DAB1: variants seen among roughly 807,000 people sequenced by gnomAD.
DAB1 encodes the protein disabled homolog 1.
DAB1 carries 15 observed loss-of-function variants against 64.6 expected under a neutral mutation model. That is an observed-to-expected ratio of 0.23 (90% CI 0.16 to 0.36). The LOEUF (loss-of-function observed/expected upper bound fraction) is 0.36, where lower values mean the gene tolerates loss of function less well. Among genes scored for constraint, DAB1 ranks in the 10% least tolerant of loss-of-function variants. The pLI is 1.00. For missense variants in DAB1, 596 were observed against 706.7 expected (o/e 0.84, Z 1.78); for synonymous variants, 235 against 251.9 (o/e 0.93, Z 0.64).
At chr1:57,000,043 T>C (rs1645790259) in intron 14 of DAB1, among the ~76,000 whole-genome samples, 1 of 143,228 alleles carries the variant, frequency 7.0e-6, no homozygotes, top group East Asian at 2.0e-4. Flanking sequence ...CTTCTGCCTT[T>C]TTTTTTTTTT....
At chr1:58,523,892 C>G (rs759055648) in intron 2 of DAB1, among the ~76,000 whole-genome samples, 1 of 151,928 alleles carries the variant, frequency 6.6e-6, no homozygotes, top group Non-Finnish European at 1.5e-5. Flanking sequence ...GAGCGAGACT[C>G]CATCTCAAAA....
intron 4 of DAB1, among the ~76,000 whole-genome samples, chr1:58,287,568 TA>T (rs763000219): frequency 9.1e-4 from 134 of 147,518 alleles, no homozygotes; most frequent in Non-Finnish European, 1.6e-3. Flanking sequence ...ATTCATGGGA[TA>T]GGGGGGCTTT....
At chr1:57,596,900 T>C (rs1205681286) in intron 7 of DAB1, among the ~76,000 whole-genome samples, 2 of 152,230 alleles carry the variant, frequency 1.3e-5, no homozygotes, top group African/African-American at 2.4e-5. Flanking sequence ...CTTGTAGGTG[T>C]GCCCATTAAT....
chr1:58,125,333 A>G (rs1652996547), intron 5 of DAB1, among the ~76,000 whole-genome samples: 1 of 152,168 alleles, frequency 6.6e-6, no homozygotes, highest in African/African-American at 2.4e-5. Context: ...TCCAATGTTT[A>G]GTTAATATAA....
At chr1:57,728,511 G>C (rs1853548) in intron 6 of DAB1, among the ~76,000 whole-genome samples, 1 of 151,682 alleles carries the variant, frequency 6.6e-6, no homozygotes, top group African/African-American at 2.4e-5. Context: ...GGAGAATGGC[G>C]TGAACCCGGG....
intron 7 of DAB1, among the ~76,000 whole-genome samples, chr1:57,607,076 A>T (rs1645665553): frequency 6.6e-6 from 1 of 151,918 alleles, no homozygotes; most frequent in African/African-American, 2.4e-5. Context: ...TGTGTGAGCC[A>T]CCATGCCCAG....
In DAB1 at chr1:57,611,128, C is replaced by CTTT. The variant is rs5774360; in HGVS notation, n.625+38461_625+38463dup. Among the ~76,000 whole-genome samples the CTTT allele has an allele frequency of 3.4e-3, 375 of 111,932 alleles. 8 individuals are homozygous for CTTT. The highest frequency in any genetic ancestry group is 9.9e-3 in the East Asian group (37 of 3,738). The allele number at this position is 111,932 out of a possible 152,430, so 73.4% of individuals were successfully genotyped here. A position where few individuals can be genotyped will look rare whatever the true frequency, so the allele number is the denominator to read the frequency against. On this transcript the variant is annotated intron_variant and non_coding_transcript_variant, in intron 7 of 20. Transcript: ENST00000485760. ...CTATCTCACTGTTGGCGTGCAGTGG[C>CTTT]TTTTTTTTTTTTTTTTTTGCATTTA...
At chr1:57,699,023 G>A (rs966520685) in intron 6 of DAB1, among the ~76,000 whole-genome samples, 1 of 152,138 alleles carries the variant, frequency 6.6e-6, no homozygotes, top group Admixed American at 6.5e-5. Context: ...CTGCGGCCTT[G>A]AATTCCTGGG....
At chr1:57,272,595 G>A (rs1671098245) in intron 2 of DAB1, among the ~76,000 whole-genome samples, 1 of 152,162 alleles carries the variant, frequency 6.6e-6, no homozygotes, top group South Asian at 2.1e-4. Context: ...AGGAAATGGA[G>A]GCTTAGAGGA....
chr1:58,350,567 T>C (rs1215420431), intron 3 of DAB1, among the ~76,000 whole-genome samples: 1 of 152,220 alleles, frequency 6.6e-6, no homozygotes, highest in African/African-American at 2.4e-5. Context: ...GCCTAGGTTT[T>C]CTTCTAGAGT....
chr1:57,452,168 T>C (rs1159168349), intron 7 of DAB1, among the ~76,000 whole-genome samples: 22 of 122,864 alleles, frequency 1.8e-4, no homozygotes, highest in African/African-American at 6.3e-4. Flanking sequence ...CACCCCCCCT[T>C]TTTTTTTTTT....
intron 7 of DAB1, among the ~76,000 whole-genome samples, chr1:57,594,719 T>C (rs536928101): frequency 2.6e-5 from 4 of 152,268 alleles, no homozygotes; most frequent in South Asian, 4.2e-4. Flanking sequence ...CTTATTTATT[T>C]ATTTATTTAG....
At chr1:57,263,472 T>C (rs530163069) in intron 2 of DAB1, among the ~76,000 whole-genome samples, 6 of 152,148 alleles carry the variant, frequency 3.9e-5, no homozygotes, top group African/African-American at 9.7e-5. Flanking sequence ...AAATGACGTA[T>C]ATAAAATGTT....
At chr1:58,379,444 T>A (rs1000602293) in intron 3 of DAB1, among the ~76,000 whole-genome samples, 1 of 152,242 alleles carries the variant, frequency 6.6e-6, no homozygotes, top group African/African-American at 2.4e-5. Flanking sequence ...TGAAATGTAT[T>A]AATATCTACT....
At chr1:58,526,383 C>T (rs1646349966) in intron 2 of DAB1, among the ~76,000 whole-genome samples, 2 of 151,958 alleles carry the variant, frequency 1.3e-5, no homozygotes. Context: ...CTACCAGAAA[C>T]ATAACAAAGG....
At chr1:57,025,548 T>C (rs1646757743) in intron 10 of DAB1, among the ~76,000 whole-genome samples, 2 of 152,176 alleles carry the variant, frequency 1.3e-5, no homozygotes, top group African/African-American at 4.8e-5. Context: ...TTTACTGGGC[T>C]GACCACCTAT....
chr1:58,518,135 G>A (rs1315319183), intron 2 of DAB1, among the ~76,000 whole-genome samples: 3 of 147,992 alleles, frequency 2.0e-5, no homozygotes, highest in African/African-American at 7.5e-5. Context: ...GCTGTGAGCT[G>A]AGATCGCGCC....
At chr1:57,496,929 T>A (rs1267860434) in intron 7 of DAB1, among the ~76,000 whole-genome samples, 8 of 152,190 alleles carry the variant, frequency 5.3e-5, no homozygotes, top group Admixed American at 5.2e-4. Context: ...GATATGCCCC[T>A]GCCCTCCTCT....
chr1:57,412,214 G>A (rs182202240), intron 1 of DAB1, among the ~76,000 whole-genome samples: 506 of 152,224 alleles, frequency 3.3e-3, no homozygotes, highest in South Asian at 8.3e-3. Flanking sequence ...CAGTTCCCCC[G>A]TCTACTTTCC....
Sources: allele counts gnomAD v4.1 joint callset (sites outside exome capture counted in the v4.1 genomes callset), GRCh38; gene constraint gnomAD v4.1.1; transcripts MANE v1.5; gene names NCBI Gene and HGNC (gene_info 2026-07-23, HGNC 2026-07-21).